Variants in UGT2A2 observed in about 807,000 individuals in gnomAD.
UGT2A2 encodes UDP-glucuronosyltransferase 2A2.
A neutral mutation model predicts 50.7 loss-of-function variants in UGT2A2; 60 were observed. That is an observed-to-expected ratio of 1.18 (90% CI 0.96 to 1.47). The LOEUF is 1.47. Among genes scored for constraint, UGT2A2 ranks in the 40% most tolerant of loss-of-function variants. UGT2A2 has a pLI of 0.00. For missense variants in UGT2A2, 762 were observed against 634.0 expected (o/e 1.20, Z -2.17); for synonymous variants, 242 against 214.6 (o/e 1.13, Z -1.11).
At chr4:69,599,650 G>A in intron 1 of UGT2A2, 5 of 345,258 alleles carry the variant, frequency 1.4e-5, no homozygotes, top group South Asian at 8.3e-5. Context: ...AGAGAGGAAA[G>A]CAAGGAAAAG....
At position 69,639,135 on chromosome 4, in the gene UGT2A2, G is replaced by C. The variant is rs755274885; in HGVS notation, c.506C>G (p.Ala169Gly). The change falls in exon 1 of 6, where the codon GCT becomes GGT. Residue 169 changes from alanine (A) to glycine (G), a missense_variant. By Grantham distance (60) the Ala-to-Gly change is moderately conservative. Coordinates refer to ENST00000604629, the MANE Select transcript of UGT2A2 (RefSeq NM_001105677.2). ...CATAAATGGAATTCCTAATTTCAGAGCAACAAGATCACCACAGATTGTTAC... is the reference window on the plus strand; with the variant it reads ...CATAAATGGAATTCCTAATTTCAGACCAACAAGATCACCACAGATTGTTAC... ...DPVTICGDLV[A>G]LKLGIPFMYT... is the part of the protein sequence containing the mutation. 1.2e-6 allele frequency: 2 copies of C among 1,613,596 alleles called. No individual in the cohort carries two copies. Among genetic ancestry groups the C allele is most frequent in the Non-Finnish European group, 1.7e-6 (2 of 1,179,732 alleles).
intron 1 of UGT2A2, among the ~76,000 whole-genome samples, chr4:69,621,932 CACTT>C (rs1560483854): frequency 6.6e-6 from 1 of 151,914 alleles, no homozygotes; most frequent in East Asian, 1.9e-4. Context: ...CACATTCTCT[CACTT>C]ACAAGTTAGA....
rs1168531906 is a variant in UGT2A2 at position 69,594,520 on chromosome 4, C to T, written c.1288G>A (p.Val430Met). 1.9e-6 allele frequency: 3 copies of T among 1,614,168 alleles called. No individual in the cohort carries two copies. Among genetic ancestry groups the T allele is most frequent in the Non-Finnish European group, 2.5e-6 (3 of 1,180,028 alleles). ...VEVNLNTMTS[V>M]DLLSALRTVI... ...GTTCTCAAAGCGCTAAGCAAATCCA[C>T]ACTTGTCATTGTGTTTAGGTTCACT... Residue 430 changes from valine to methionine, a missense_variant, in exon 5 of 6, where the codon GTG becomes ATG. Transcript: ENST00000604629.
In UGT2A2 at chr4:69,596,554, G is replaced by A. The variant is rs974957320; in HGVS notation, c.892-173C>T. Reference sequence around the variant, plus strand: ...CTATATTTTTTTTTGGCAGAGTCTCGCTCTGTCGCCCAGGCTGGAGCGCAG... The same window carrying A: ...CTATATTTTTTTTTGGCAGAGTCTCACTCTGTCGCCCAGGCTGGAGCGCAG... On this transcript the variant is annotated intron_variant, in intron 2 of 5. Transcript: ENST00000604629. Among the ~76,000 whole-genome samples, 7 of 151,896 alleles carry A rather than the reference G, an allele frequency of 4.6e-5. No homozygotes were observed. In the South Asian group the frequency reaches 6.2e-4, roughly 14 times the overall value.
intron 1 of UGT2A2, among the ~76,000 whole-genome samples, chr4:69,609,966 C>CA (rs1320217082): frequency 6.6e-6 from 1 of 152,014 alleles, no homozygotes; most frequent in East Asian, 1.9e-4. Flanking sequence ...GTATACATTT[C>CA]AAAAAACTAA....
intron 1 of UGT2A2, among the ~76,000 whole-genome samples, chr4:69,602,558 G>C (rs922137266): frequency 7.3e-6 from 1 of 137,082 alleles, no homozygotes; most frequent in Non-Finnish European, 1.6e-5. Flanking sequence ...TAAATCTTCA[G>C]AATGAGGAAG....
At position 69,610,328 on chromosome 4, in the gene UGT2A2, C is replaced by T. The variant is rs966689711; in HGVS notation, c.743-10934G>A. 5.9e-5 allele frequency among the ~76,000 whole-genome samples: 9 copies of T among 152,160 alleles called. No individual in the cohort carries two copies. In the East Asian group the frequency reaches 1.7e-3, roughly 29 times the overall value. ...AAATTGCTTAATCATTTAGCATTTA[C>T]CCTCAGACATTTTCTGGGGCAGGGT... On this transcript the variant is annotated intron_variant, in intron 1 of 5. Coordinates refer to ENST00000604629, the MANE Select transcript of UGT2A2 (RefSeq NM_001105677.2).
chr4:69,624,398 T>A (rs548430551), intron 1 of UGT2A2, among the ~76,000 whole-genome samples: 10 of 151,464 alleles, frequency 6.6e-5, no homozygotes, highest in South Asian at 4.2e-4. Flanking sequence ...CTTGCTTTTT[T>A]TAAAAAAATC....
rs1718913875 is a variant in UGT2A2 at position 69,596,178 on chromosome 4, A to C, written c.1023+72T>G. The C allele has an allele frequency of 5.8e-6, 8 of 1,380,924 alleles. No homozygotes were observed. In the South Asian group the frequency reaches 1.7e-4, roughly 30 times the overall value. The allele number at this position is 1,380,924 out of a possible 1,614,324, so 85.5% of individuals were successfully genotyped here. A position where few individuals can be genotyped will look rare whatever the true frequency, so the allele number is the denominator to read the frequency against. ...TAATGAGTTTTGATTTTCATATGGA[A>C]AGAACATTACTAGCTGCATTGTCTC... On this transcript the variant is annotated intron_variant, in intron 3 of 5. Transcript: ENST00000604629.
intron 1 of UGT2A2, among the ~76,000 whole-genome samples, chr4:69,633,945 T>C (rs975235511): frequency 6.6e-6 from 1 of 152,000 alleles, no homozygotes; most frequent in South Asian, 2.1e-4. Flanking sequence ...AGAAAGAATA[T>C]ACAAAATTTT....
Position 69,589,278 on chromosome 4 carries a change from TTTTG to T in UGT2A2, c.*90_*93del. ...TTTGGAAACAGGATGGGAGACGTGT[TTTTG>T]TTAAACTCCTTTTGTCTGGAATTAA... is the stretch of plus-strand genomic sequence containing the variant. On this transcript the variant is annotated 3_prime_UTR_variant, in exon 6 of 6. Transcript: ENST00000604629. The T allele has an allele frequency of 1.4e-6, 2 of 1,394,336 alleles. No homozygotes were observed. Among genetic ancestry groups the T allele is most frequent in the Non-Finnish European group, 1.9e-6 (2 of 1,061,944 alleles). The allele number at this position is 1,394,336 out of a possible 1,614,324, so 86.4% of individuals were successfully genotyped here. A position where few individuals can be genotyped will look rare whatever the true frequency, so the allele number is the denominator to read the frequency against.
intron 1 of UGT2A2, among the ~76,000 whole-genome samples, chr4:69,604,450 C>G (rs1719480151): frequency 7.3e-6 from 1 of 136,838 alleles, no homozygotes; most frequent in Non-Finnish European, 1.6e-5. Flanking sequence ...CAACCAGTAC[C>G]AGCCACTGCA....
intron 1 of UGT2A2, among the ~76,000 whole-genome samples, chr4:69,620,280 T>G (rs578043473): frequency 1.2e-3 from 163 of 134,676 alleles, no homozygotes; most frequent in African/African-American, 4.7e-3. Flanking sequence ...AAAACTACAG[T>G]AAAGTTTCAG....
intron 1 of UGT2A2, among the ~76,000 whole-genome samples, chr4:69,633,084 G>C (rs1200721312): frequency 6.6e-6 from 1 of 152,104 alleles, no homozygotes; most frequent in Non-Finnish European, 1.5e-5. Context: ...TGAAGAATGA[G>C]AAGTAAGAGG....
chr4:69,635,849 AAGAGAG>A lies in UGT2A2; in HGVS notation c.742+3044_742+3049del, dbSNP rs760585451. 1.9e-3 allele frequency: 231 copies of A among 118,536 alleles called. 1 individual carries two copies. Among genetic ancestry groups the A allele is most frequent in the African/African-American group, 4.8e-3 (120 of 25,104 alleles). 7.3% of individuals were successfully genotyped at this position (118,536 alleles called of 1,614,324 possible). A position where few individuals can be genotyped will look rare whatever the true frequency, so the allele number is the denominator to read the frequency against. On this transcript the variant is annotated intron_variant, in intron 1 of 5. Transcript: ENST00000604629. The stretch of plus-strand genomic sequence containing the variant: ...TCACCAAAAAAAAAAAAAAAAAAAA[AAGAGAG>A]AGAGAGAGAGAAATAAGGTTCAGTT...
Position 69,599,314 on chromosome 4 carries a change from G to A in UGT2A2, c.823C>T (p.Arg275Cys), listed in dbSNP as rs146066278. The change falls in exon 2 of 6, where the codon CGT (arginine) becomes TGT (cysteine). Residue 275 changes from arginine to cysteine, a missense_variant. Coordinates refer to ENST00000604629, the MANE Select transcript of UGT2A2 (RefSeq NM_001105677.2). ...IRTYWDFEFP[R>C]PYLPNFEFVG... ...AACTCAAAATTAGGTAAGTATGGACGAGGAAATTCAAAATCCCAATATGTT... is the reference window on the plus strand; with the variant it reads ...AACTCAAAATTAGGTAAGTATGGACAAGGAAATTCAAAATCCCAATATGTT... 1.8e-4 allele frequency: 291 copies of A among 1,613,790 alleles called. No individual in the cohort carries two copies. In the Middle Eastern group the frequency reaches 2.6e-3, roughly 15 times the overall value.
At chr4:69,629,160 T>A (rs1034999845) in intron 1 of UGT2A2, among the ~76,000 whole-genome samples, 1 of 151,906 alleles carries the variant, frequency 6.6e-6, no homozygotes, top group African/African-American at 2.4e-5. Context: ...TATTCACACA[T>A]GCTACTCTGA....
At chr4:69,595,368 T>A in intron 3 of UGT2A2, 119 bp from the exon 4 acceptor site, 2 of 1,193,512 alleles carry the variant, frequency 1.7e-6, no homozygotes, top group Non-Finnish European at 2.4e-6. Flanking sequence ...ACATAAGCAG[T>A]AGTTTACAAA....
chr4:69,627,776 T>C (rs1007719743), intron 1 of UGT2A2, among the ~76,000 whole-genome samples: 2 of 151,802 alleles, frequency 1.3e-5, no homozygotes, highest in Non-Finnish European at 2.9e-5. Flanking sequence ...CAAGAAAATA[T>C]AAAATATTAA....
Sources: gnomAD v4.1 joint callset for allele counts (sites outside exome capture counted in the v4.1 genomes callset) on GRCh38, gnomAD v4.1.1 for gene constraint, MANE v1.5 for transcripts, NCBI Gene and HGNC (gene_info 2026-07-23, HGNC 2026-07-21) for gene names.